Variants in OXR1 observed in about 807,000 individuals in gnomAD.
OXR1 encodes oxidation resistance 1, also known as oxidation resistance protein 1.
OXR1 carries 41 observed loss-of-function variants against 104.6 expected under a neutral mutation model. The observed-to-expected ratio is 0.39, with a 90% CI of 0.31 to 0.51. OXR1 has a LOEUF of 0.51. Among genes scored for constraint, OXR1 ranks in the 20% least tolerant of loss-of-function variants. OXR1 has a pLI of 0.77. For synonymous variants in OXR1, 348 were observed against 348.4 expected, an observed-to-expected ratio of 1.00 and a Z score of 0.01; for missense variants, 955 against 1,031.9, an observed-to-expected ratio of 0.93 and a Z score of 1.02.
At chr8:106,489,387 G>A (rs1810925617) in intron 2 of OXR1, among the ~76,000 whole-genome samples, 1 of 152,170 alleles carries the variant, frequency 6.6e-6, no homozygotes, top group South Asian at 2.1e-4. Context: ...ACCCTCACTT[G>A]GGTGAGTTTG....
intron 1 of OXR1, among the ~76,000 whole-genome samples, chr8:106,341,916 A>G (rs1815269333): frequency 6.7e-6 from 1 of 149,948 alleles, no homozygotes; most frequent in Non-Finnish European, 1.5e-5. Flanking sequence ...TTGCTCTGTT[A>G]CCAGGCTGGA....
chr8:106,630,594 G>A (rs1450455044), intron 3 of OXR1, among the ~76,000 whole-genome samples: 2 of 152,140 alleles, frequency 1.3e-5, no homozygotes, highest in African/African-American at 4.8e-5. Context: ...AGAAGTAAAA[G>A]CTATGATAAA....
At position 106,444,691 on chromosome 8, in the gene OXR1, TG is replaced by T. The variant is rs555223838; in HGVS notation, c.24-74246del. Among the ~76,000 whole-genome samples, 415 of 151,538 alleles carry T rather than the reference TG, an allele frequency of 2.7e-3. 3 individuals are homozygous for T. The highest frequency in any genetic ancestry group is 9.6e-3 in the African/African-American group (395 of 41,266). On this transcript the variant is annotated intron_variant, in intron 2 of 16. Transcript: ENST00000517566. The stretch of plus-strand genomic sequence containing the variant: ...AACACCCACCAGGGATTGTTGGGGG[TG>T]GGGGGTGAGGGGCAGGAACTTAGAG...
At chr8:106,432,120 C>T (rs1819384160) in intron 2 of OXR1, among the ~76,000 whole-genome samples, 1 of 152,180 alleles carries the variant, frequency 6.6e-6, no homozygotes, top group Non-Finnish European at 1.5e-5. Flanking sequence ...TCCATTTTCA[C>T]CTGCCCTTGC....
At chr8:106,718,915 ACAAT>A (rs1456021506) in intron 11 of OXR1, among the ~76,000 whole-genome samples, 2 of 152,148 alleles carry the variant, frequency 1.3e-5, no homozygotes, top group Non-Finnish European at 1.5e-5. Context: ...ATGTTTTTAA[ACAAT>A]CAAGGCACAA....
intron 1 of OXR1, among the ~76,000 whole-genome samples, chr8:106,327,898 T>C (rs1177072582): frequency 1.3e-5 from 2 of 152,264 alleles, no homozygotes; most frequent in Non-Finnish European, 2.9e-5. Context: ...AATTTATTGT[T>C]GTCCTTGCAT....
intron 15 of OXR1, among the ~76,000 whole-genome samples, chr8:106,745,090 A>G (rs1835268331): frequency 6.6e-6 from 1 of 152,188 alleles, no homozygotes; most frequent in African/African-American, 2.4e-5. Flanking sequence ...ACTATGAAAA[A>G]CGAGTGCTAA....
At chr8:106,345,673 T>C (rs1290189833) in intron 1 of OXR1, among the ~76,000 whole-genome samples, 1 of 152,200 alleles carries the variant, frequency 6.6e-6, no homozygotes, top group Non-Finnish European at 1.5e-5. Context: ...TATTGGTGCA[T>C]AAAATATACA....
chr8:106,496,958 T>A (rs1181587995), intron 2 of OXR1, among the ~76,000 whole-genome samples: 1 of 152,172 alleles, frequency 6.6e-6, no homozygotes, highest in African/African-American at 2.4e-5. Context: ...AGGGGGCACT[T>A]CCTTTTGCTT....
intron 3 of OXR1, among the ~76,000 whole-genome samples, chr8:106,666,955 ATTAAT>A (rs1467196524): frequency 5.3e-5 from 8 of 152,308 alleles, no homozygotes; most frequent in African/African-American, 1.4e-4. Flanking sequence ...TTTAATGTAA[ATTAAT>A]TTAATTAAGT....
intron 1 of OXR1, among the ~76,000 whole-genome samples, chr8:106,335,568 C>T (rs912983065): frequency 8.6e-5 from 13 of 151,962 alleles, no homozygotes; most frequent in African/African-American, 2.9e-4. Context: ...ATCCCTCTTT[C>T]AGCCCATTCT....
intron 2 of OXR1, among the ~76,000 whole-genome samples, chr8:106,389,496 A>C (rs539316598): frequency 1.3e-5 from 2 of 152,324 alleles, no homozygotes; most frequent in African/African-American, 4.8e-5. Context: ...AAATTAGTTT[A>C]TACTTAACAC....
chr8:106,495,231 A>G (rs1317957625), intron 2 of OXR1, among the ~76,000 whole-genome samples: 1 of 152,136 alleles, frequency 6.6e-6, no homozygotes, highest in African/African-American at 2.4e-5. Context: ...CACAGTTTGT[A>G]AATATGCAAT....
intron 2 of OXR1, among the ~76,000 whole-genome samples, chr8:106,388,850 G>T (rs1220205771): frequency 6.6e-6 from 1 of 152,232 alleles, no homozygotes; most frequent in Non-Finnish European, 1.5e-5. Context: ...CTGGAAAGCT[G>T]ATAGTATAAA....
intron 3 of OXR1, among the ~76,000 whole-genome samples, chr8:106,652,488 A>G (rs1435364080): frequency 6.6e-6 from 1 of 152,114 alleles, no homozygotes; most frequent in Non-Finnish European, 1.5e-5. Flanking sequence ...AAATTCACAA[A>G]CATGTGGAAA....
chr8:106,577,599 A>G lies in OXR1; in HGVS notation c.220+58460A>G, dbSNP rs557354870. On this transcript the variant is annotated intron_variant, in intron 3 of 16. Coordinates refer to ENST00000517566, the MANE Select transcript of OXR1 (RefSeq NM_001198533.2). ...AGAGACAAGGTTTACCAGGTCGGCC[A>G]GGCTGGTCTCGAACTCCTGACCTGA... Among the ~76,000 whole-genome samples the G allele has an allele frequency of 4.1e-4, 62 of 152,068 alleles. 1 individual carries two copies. In the South Asian group the frequency reaches 0.01, roughly 26 times the overall value.
intron 6 of OXR1, among the ~76,000 whole-genome samples, chr8:106,688,536 AG>A (rs1342425789): frequency 6.6e-6 from 1 of 152,138 alleles, no homozygotes; most frequent in African/African-American, 2.4e-5. Flanking sequence ...TTCCTTTTTA[AG>A]GATAGGCTGT....
intron 7 of OXR1, among the ~76,000 whole-genome samples, chr8:106,702,155 G>T (rs1830637257): frequency 6.6e-6 from 1 of 152,074 alleles, no homozygotes; most frequent in Non-Finnish European, 1.5e-5. Context: ...TTTCAGTAGA[G>T]ATGGGGTTTC....
chr8:106,279,214 TGTG>T (rs1406835339), intron 1 of OXR1, among the ~76,000 whole-genome samples: 2 of 152,138 alleles, frequency 1.3e-5, no homozygotes, highest in Admixed American at 1.3e-4. Context: ...CATAAAGTCA[TGTG>T]AATGTTTCAG....
Sources: gnomAD v4.1 joint callset for allele counts (sites outside exome capture counted in the v4.1 genomes callset) on GRCh38, gnomAD v4.1.1 for gene constraint, MANE v1.5 for transcripts, NCBI Gene and HGNC (gene_info 2026-07-23, HGNC 2026-07-21) for gene names.